RBFOX1: variants seen among roughly 807,000 people sequenced by gnomAD.
RBFOX1 encodes RNA binding fox-1 homolog 1, also known as RNA binding protein fox-1 homolog 1.
A neutral mutation model predicts 57.7 loss-of-function variants in RBFOX1; 8 were observed. The observed-to-expected ratio is 0.14, with a 90% CI of 0.08 to 0.25. The LOEUF (loss-of-function observed/expected upper bound fraction) is 0.25, where lower values mean the gene tolerates loss of function less well. RBFOX1 is among the 10% of genes least tolerant of loss of function. RBFOX1 has a pLI of 1.00. For missense variants in RBFOX1, 611 were observed against 548.5 expected, an observed-to-expected ratio of 1.11 and a Z score of -1.14; for synonymous variants, 326 against 222.4, an observed-to-expected ratio of 1.47 and a Z score of -4.15.
chr16:7,658,675 T>C (rs894496435), intron 12 of RBFOX1, among the ~76,000 whole-genome samples: 5 of 152,140 alleles, frequency 3.3e-5, no homozygotes, highest in African/African-American at 1.2e-4. Flanking sequence ...GAGTACCTAT[T>C]AGGTACCGTG....
intron 4 of RBFOX1, among the ~76,000 whole-genome samples, chr16:7,221,882 C>G (rs929766518): frequency 3.9e-5 from 6 of 152,176 alleles, no homozygotes; most frequent in African/African-American, 9.7e-5. Flanking sequence ...CATAAATCCA[C>G]AAGAGCTGAC....
In RBFOX1 at chr16:6,697,795, G is replaced by A. The variant is rs530702371; in HGVS notation, c.-16+43145G>A. ...CAGATCAACAGAAGACCCAACCTTG[G>A]TATTGGAAGTCCATATCTCTACATG... On this transcript the variant is annotated intron_variant, in intron 3 of 15. Transcript: ENST00000550418. Among the ~76,000 whole-genome samples the A allele has an allele frequency of 3.3e-5, 5 of 152,284 alleles. 1 individual carries two copies. The East Asian group carries it at 9.7e-4, about 29-fold the overall frequency.
chr16:5,376,268 C>T (rs763578409), intron 1 of RBFOX1, among the ~76,000 whole-genome samples: 6 of 152,000 alleles, frequency 3.9e-5, no homozygotes, highest in East Asian at 1.9e-4. Context: ...TGAGAGCATG[C>T]GCGGAACTCT....
intron 2 of RBFOX1, among the ~76,000 whole-genome samples, chr16:5,494,644 G>A (rs1049492779): frequency 6.6e-6 from 1 of 152,200 alleles, no homozygotes; most frequent in Non-Finnish European, 1.5e-5. Flanking sequence ...TGGCAGAGGA[G>A]CCATATATGC....
At chr16:7,323,145 C>T (rs1409991444) in intron 4 of RBFOX1, among the ~76,000 whole-genome samples, 1 of 152,224 alleles carries the variant, frequency 6.6e-6, no homozygotes, top group Non-Finnish European at 1.5e-5. Context: ...CAAGCTAAGA[C>T]TGGGCACATG....
chr16:5,554,503 A>G (rs1010108638), intron 2 of RBFOX1, among the ~76,000 whole-genome samples: 1 of 152,042 alleles, frequency 6.6e-6, no homozygotes, highest in East Asian at 1.9e-4. Flanking sequence ...GTATATTAAC[A>G]TTTTAATAAA....
rs576637258 is a variant in RBFOX1 at position 6,517,489 on chromosome 16, C to G, written c.-63-137114C>G. ...TTTCTGATACCAGTGTCTCCTGTCT[C>G]CCAGCTGGCTTCTCTTTGGCAGCAC... is the stretch of plus-strand genomic sequence containing the variant. On this transcript the variant is annotated intron_variant, in intron 2 of 15. Coordinates refer to ENST00000550418, the MANE Select transcript of RBFOX1 (RefSeq NM_018723.4). Among the ~76,000 whole-genome samples the G allele has an allele frequency of 9.7e-4, 148 of 152,224 alleles. 1 individual carries two copies. The highest frequency in any genetic ancestry group is 3.4e-3 in the African/African-American group (140 of 41,542).
chr16:5,415,224 A>C (rs1054290912), intron 1 of RBFOX1, among the ~76,000 whole-genome samples: 2 of 152,198 alleles, frequency 1.3e-5, no homozygotes, highest in Admixed American at 6.5e-5. Flanking sequence ...CAGGAAACTT[A>C]CAATCATGGC....
At chr16:6,634,747 T>TATAAC (rs376633910) in intron 2 of RBFOX1, among the ~76,000 whole-genome samples, 31 of 53,640 alleles carry the variant, frequency 5.8e-4, no homozygotes, top group Admixed American at 8.6e-4. Context: ...GTATTAAATA[T>TATAAC]ACAAAGATAT....
At chr16:5,968,908 G>C (rs1304592319) in intron 4 of RBFOX1, among the ~76,000 whole-genome samples, 1 of 151,856 alleles carries the variant, frequency 6.6e-6, no homozygotes, top group African/African-American at 2.4e-5. Context: ...CTTTTTAACA[G>C]CTTGATTTAC....
At position 6,563,792 on chromosome 16, in the gene RBFOX1, A is replaced by G. The variant is rs183603059; in HGVS notation, c.-63-90811A>G. The stretch of plus-strand genomic sequence containing the variant: ...AGTGAGCTGAGACTGAGCCACTGCA[A>G]TCCAGTCTAGGAGACACAGTGGGAT... On this transcript the variant is annotated intron_variant, in intron 2 of 15. Transcript: ENST00000550418. Among the ~76,000 whole-genome samples the G allele has an allele frequency of 4.0e-3, 605 of 152,076 alleles. 3 individuals carry two copies. The highest frequency in any genetic ancestry group is 5.2e-3 in the Admixed American group (80 of 15,270).
chr16:7,474,929 C>T (rs1283659544), intron 4 of RBFOX1, among the ~76,000 whole-genome samples: 1 of 152,172 alleles, frequency 6.6e-6, no homozygotes, highest in Non-Finnish European at 1.5e-5. Flanking sequence ...TATGGAGTGC[C>T]TGTGTTGGTC....
At chr16:5,960,754 C>T (rs887643477) in intron 4 of RBFOX1, among the ~76,000 whole-genome samples, 12 of 152,186 alleles carry the variant, frequency 7.9e-5, no homozygotes, top group African/African-American at 2.9e-4. Context: ...GCAACCCCAA[C>T]ACAGTGAAAA....
At chr16:5,561,553 A>C (rs1451330778) in intron 2 of RBFOX1, among the ~76,000 whole-genome samples, 2 of 152,168 alleles carry the variant, frequency 1.3e-5, no homozygotes, top group African/African-American at 2.4e-5. Context: ...ATTATGCAAA[A>C]GTCAGGCCCT....
At position 6,198,984 on chromosome 16, in the gene RBFOX1, A is replaced by AT. The variant is rs1229040095; in HGVS notation, c.-126-118005dup. 2.6e-5 allele frequency among the ~76,000 whole-genome samples: 4 copies of AT among 152,012 alleles called. No individual in the cohort carries two copies. The East Asian group carries it at 7.7e-4, about 29-fold the overall frequency. ...ATATCAAATCTGCTTTTGACTGAAC[A>AT]TTTTTTAAATCTCTCTGATAGAATA... On this transcript the variant is annotated intron_variant, in intron 1 of 15. Transcript: ENST00000550418.
chr16:7,248,422 T>C (rs1350911907), intron 4 of RBFOX1, among the ~76,000 whole-genome samples: 1 of 152,206 alleles, frequency 6.6e-6, no homozygotes, highest in Non-Finnish European at 1.5e-5. Context: ...CTGAGTCCCT[T>C]CATATCTTTC....
chr16:5,903,146 G>C (rs961878737), intron 4 of RBFOX1, among the ~76,000 whole-genome samples: 1 of 152,058 alleles, frequency 6.6e-6, no homozygotes, highest in Non-Finnish European at 1.5e-5. Context: ...GTGTATGTAT[G>C]CATGTCTGTA....
chr16:5,890,218 C>G (rs2058013954), intron 4 of RBFOX1, among the ~76,000 whole-genome samples: 1 of 152,152 alleles, frequency 6.6e-6, no homozygotes, highest in African/African-American at 2.4e-5. Context: ...CTTGTCCTCA[C>G]CTATGATAAT....
chr16:6,843,281 G>C (rs1486502023), intron 3 of RBFOX1, among the ~76,000 whole-genome samples: 1 of 152,016 alleles, frequency 6.6e-6, no homozygotes, highest in Non-Finnish European at 1.5e-5. Flanking sequence ...GCCAAGGAAG[G>C]ATGTCACACA....
Sources: allele counts gnomAD v4.1 joint callset (sites outside exome capture counted in the v4.1 genomes callset), GRCh38; gene constraint gnomAD v4.1.1; transcripts MANE v1.5; gene names NCBI Gene and HGNC (gene_info 2026-07-23, HGNC 2026-07-21).